The following TADA2A variants were observed in gnomAD, a reference collection of about 807,000 sequenced individuals.
TADA2A encodes transcriptional adapter 2-alpha.
TADA2A carries 38 observed loss-of-function variants against 67.4 expected under a neutral mutation model. That is an observed-to-expected ratio of 0.56 (90% confidence interval 0.44 to 0.74). TADA2A has a LOEUF of 0.74. TADA2A is among the 30% of genes least tolerant of loss of function. The pLI, the probability that TADA2A is intolerant of heterozygous loss-of-function variation, is 0.00. For synonymous variants in TADA2A, 192 were observed against 181.6 expected (o/e 1.06, Z -0.46); for missense variants, 454 against 547.0 (o/e 0.83, Z 1.70).
intron 4 of TADA2A, among the ~76,000 whole-genome samples, chr17:37,436,990 G>T (rs2052745877): frequency 6.6e-6 from 1 of 151,850 alleles, no homozygotes; most frequent in Non-Finnish European, 1.5e-5. Flanking sequence ...ACGGGTGGGA[G>T]AGGTGGACAA....
chr17:37,466,203 T>G (rs1292292028), intron 11 of TADA2A, among the ~76,000 whole-genome samples: 3 of 152,148 alleles, frequency 2.0e-5, no homozygotes, highest in African/African-American at 7.2e-5. Flanking sequence ...AGAGGATTGC[T>G]TGAGTCGAGG....
chr17:37,470,044 T>A (rs1173415364), intron 12 of TADA2A, among the ~76,000 whole-genome samples: 2 of 152,102 alleles, frequency 1.3e-5, no homozygotes, highest in Admixed American at 6.6e-5. Flanking sequence ...TTTGAAAAAA[T>A]TTATAAAAAT....
chr17:37,445,907 T>G (rs1216407038), intron 8 of TADA2A, among the ~76,000 whole-genome samples: 1 of 152,116 alleles, frequency 6.6e-6, no homozygotes, highest in East Asian at 1.9e-4. Context: ...CTTGTTAAAT[T>G]ATAAATCAAG....
rs142549563 is a variant in TADA2A at position 37,461,503 on chromosome 17, C to A, written c.669-575C>A. The stretch of plus-strand genomic sequence containing the variant: ...CACATAACTTTGCCTGGTTTAAATT[C>A]TCTTTTGCTTAAAACACAATTCGAG... On this transcript the variant is annotated intron_variant, in intron 9 of 15. Coordinates refer to ENST00000615182, the MANE Select transcript of TADA2A (RefSeq NM_001166105.3). Among the ~76,000 whole-genome samples, 45 of 152,322 alleles carry A rather than the reference C, an allele frequency of 3.0e-4. No homozygotes were observed. The East Asian group carries it at 7.3e-3, about 25-fold the overall frequency.
chr17:37,436,226 T>G (rs2052721987), intron 4 of TADA2A, among the ~76,000 whole-genome samples: 1 of 152,226 alleles, frequency 6.6e-6, no homozygotes, highest in South Asian at 2.1e-4. Context: ...TTAAGGTATA[T>G]CCTACTTAGA....
At chr17:37,452,686 C>A (rs565742215) in intron 8 of TADA2A, among the ~76,000 whole-genome samples, 2 of 151,760 alleles carry the variant, frequency 1.3e-5, no homozygotes, top group African/African-American at 4.8e-5. Flanking sequence ...AAAACAGTGA[C>A]AGGTATAGGC....
Position 37,477,061 on chromosome 17 carries a change from G to A in TADA2A, c.*79G>A. 1.4e-6 allele frequency: 2 copies of A among 1,431,940 alleles called. No individual in the cohort carries two copies. The highest frequency in any genetic ancestry group is 1.9e-6 in the Non-Finnish European group (2 of 1,061,156). 88.7% of individuals were successfully genotyped at this position (1,431,940 alleles called of 1,614,324 possible). ...GGACAATATGGGTGGGCATTCTGGAGAGTTGTTTTTCAGCTGAATTCTCAT... is the reference window on the plus strand; with the variant it reads ...GGACAATATGGGTGGGCATTCTGGAAAGTTGTTTTTCAGCTGAATTCTCAT... On this transcript the variant is annotated 3_prime_UTR_variant, in exon 16 of 16. Coordinates refer to ENST00000615182, the MANE Select transcript of TADA2A (RefSeq NM_001166105.3).
intron 14 of TADA2A, among the ~76,000 whole-genome samples, chr17:37,472,772 G>C (rs2053816630): frequency 6.6e-6 from 1 of 152,138 alleles, no homozygotes; most frequent in Admixed American, 6.5e-5. Flanking sequence ...TGAGGCAGGA[G>C]AATCGCTTGA....
Position 37,411,324 on chromosome 17 carries a change from C to A in TADA2A, c.-42C>A. On this transcript the variant is annotated 5_prime_UTR_variant, in exon 2 of 16. The change creates a new upstream start codon in the 5' untranslated region. Coordinates refer to ENST00000615182, the MANE Select transcript of TADA2A (RefSeq NM_001166105.3). ...CCGGTTCTGAAGTCTTGAAGAAGCT[C>A]TGCTGAGGAAGACCAAAGCAGCACT... is the stretch of plus-strand genomic sequence containing the variant. The A allele has an allele frequency of 1.9e-6, 3 of 1,612,098 alleles. No homozygotes were observed. Among genetic ancestry groups the A allele is most frequent in the Non-Finnish European group, 2.5e-6 (3 of 1,178,284 alleles).
intron 3 of TADA2A, 48 bp from the exon 4 acceptor site, chr17:37,426,902 T>A (rs1243042144): frequency 6.5e-7 from 1 of 1,541,814 alleles, no homozygotes. Context: ...ACCTCCTCTG[T>A]CCTTTAAGAA....
intron 7 of TADA2A, among the ~76,000 whole-genome samples, chr17:37,443,106 G>C (rs1039241261): frequency 2.6e-5 from 4 of 152,052 alleles, no homozygotes; most frequent in African/African-American, 9.7e-5. Flanking sequence ...AGGCTGTAGC[G>C]AGTGGTGATC....
At chr17:37,425,069 T>G (rs748605580) in intron 3 of TADA2A, among the ~76,000 whole-genome samples, 4 of 151,434 alleles carry the variant, frequency 2.6e-5, no homozygotes, top group Non-Finnish European at 4.4e-5. Flanking sequence ...TTGGTAGAGA[T>G]GGGGTTTTCT....
In TADA2A at chr17:37,448,492, GAGAGA is replaced by G. The variant is rs569151915; in HGVS notation, c.604+3728_604+3732del. ...GAAATGTTTGGTTCAGAAAGAGAGA[GAGAGA>G]AGACTCATATCTTAGAACTGTCTTG... On this transcript the variant is annotated intron_variant, in intron 8 of 15. Coordinates refer to ENST00000615182, the MANE Select transcript of TADA2A (RefSeq NM_001166105.3). Among the ~76,000 whole-genome samples, 473 of 152,064 alleles carry G rather than the reference GAGAGA, an allele frequency of 3.1e-3. 2 individuals carry two copies. Among genetic ancestry groups the G allele is most frequent in the Non-Finnish European group, 4.9e-3 (334 of 67,984 alleles).
chr17:37,477,251 A>G lies in TADA2A; in HGVS notation c.*269A>G, dbSNP rs2053908636. ...GCATTCATTCCTAACACCTCTTGTA[A>G]CTAAAAGAACCATAGTACCTCACAT... is the stretch of plus-strand genomic sequence containing the variant. On this transcript the variant is annotated 3_prime_UTR_variant, in exon 16 of 16. Transcript: ENST00000615182. 1 of 367,386 alleles carries G rather than the reference A, an allele frequency of 2.7e-6. No homozygotes were observed. The highest frequency in any genetic ancestry group is 8.1e-5 in the South Asian group (1 of 12,402). 22.8% of individuals were successfully genotyped at this position (367,386 alleles called of 1,614,324 possible).
At chr17:37,450,558 C>CT (rs1367966006) in intron 8 of TADA2A, 1 of 152,228 alleles carries the variant, frequency 6.6e-6, no homozygotes, top group Non-Finnish European at 1.5e-5. Context: ...CGTTTGGAAA[C>CT]TTTATCATTC....
chr17:37,444,309 C>T (rs2053012270), intron 7 of TADA2A, among the ~76,000 whole-genome samples: 1 of 150,826 alleles, frequency 6.6e-6, no homozygotes, highest in Admixed American at 6.6e-5. Flanking sequence ...ATTTCAGAGA[C>T]AGGCTCTTGC....
At chr17:37,410,934 A>C (rs559934814) in intron 1 of TADA2A, among the ~76,000 whole-genome samples, 13 of 152,316 alleles carry the variant, frequency 8.5e-5, no homozygotes, top group African/African-American at 2.9e-4. Context: ...TTTATTAGAA[A>C]TATGTAGCAT....
At chr17:37,431,652 G>A (rs965560830) in intron 4 of TADA2A, among the ~76,000 whole-genome samples, 1 of 149,436 alleles carries the variant, frequency 6.7e-6, no homozygotes, top group African/African-American at 2.5e-5. Context: ...TCGGCTCACT[G>A]CAACCTCCGA....
intron 2 of TADA2A, among the ~76,000 whole-genome samples, chr17:37,420,885 T>C (rs1420427624): frequency 1.4e-5 from 2 of 146,912 alleles, no homozygotes; most frequent in East Asian, 4.2e-4. Context: ...ATTCTTGTGA[T>C]TGATCATAGA....
Sources: gnomAD v4.1 joint callset for allele counts (sites outside exome capture counted in the v4.1 genomes callset) on GRCh38, gnomAD v4.1.1 for gene constraint, MANE v1.5 for transcripts, NCBI Gene and HGNC (gene_info 2026-07-23, HGNC 2026-07-21) for gene names.